Variants in TXNL4A observed in about 807,000 individuals in gnomAD.
TXNL4A encodes the protein thioredoxin like 4A.
Under a neutral mutation model 14.6 loss-of-function variants are expected in TXNL4A, and 17 were observed. The observed-to-expected ratio is 1.16, with a 90% CI of 0.80 to 1.74. The LOEUF is 1.74. Ranked by LOEUF, TXNL4A falls within the 40% of genes most tolerant of loss-of-function variation. The pLI, the probability that TXNL4A is intolerant of heterozygous loss-of-function variation, is 0.00. For missense variants in TXNL4A, 74 were observed against 195.2 expected (o/e 0.38, Z 3.70); for synonymous variants, 83 against 70.6 (o/e 1.18, Z -0.88).
At chr18:79,997,920 A>G (rs2051673272) in intron 1 of TXNL4A, among the ~76,000 whole-genome samples, 1 of 152,190 alleles carries the variant, frequency 6.6e-6, no homozygotes, top group Admixed American at 6.5e-5. Context: ...TGACAGAGTG[A>G]GAGGAATTTT....
chr18:79,979,864 G>A (rs1432435862), intron 1 of TXNL4A, among the ~76,000 whole-genome samples: 1 of 152,118 alleles, frequency 6.6e-6, no homozygotes, highest in Non-Finnish European at 1.5e-5. Context: ...CATTTTAAAG[G>A]CTCTTTATAA....
At chr18:79,977,150 G>A (rs991115199) in intron 2 of TXNL4A, among the ~76,000 whole-genome samples, 4 of 151,902 alleles carry the variant, frequency 2.6e-5, no homozygotes, top group South Asian at 2.1e-4. Flanking sequence ...GTAGAGACTC[G>A]GTTTCACCAT....
chr18:79,993,483 A>G (rs2051641123), upstream of TXNL4A, among the ~76,000 whole-genome samples: 1 of 152,196 alleles, frequency 6.6e-6, no homozygotes, highest in Admixed American at 6.5e-5. This position sits in a 1 kb window ranked among gnomAD's most constrained non-coding sequence, Gnocchi z 4.4. Flanking sequence ...TTTTTAAATG[A>G]CTAAAGTTAG....
intron 1 of TXNL4A, among the ~76,000 whole-genome samples, chr18:80,014,698 C>T (rs1183090027): frequency 3.3e-5 from 5 of 152,164 alleles, no homozygotes; most frequent in Admixed American, 1.3e-4. Flanking sequence ...ATTCTGGGGT[C>T]TGGAGGATTC....
intron 1 of TXNL4A, among the ~76,000 whole-genome samples, chr18:80,029,569 C>G (rs370741540): frequency 2.0e-5 from 3 of 152,168 alleles, no homozygotes; most frequent in African/African-American, 4.8e-5. Context: ...ACTTTACTGG[C>G]CAGGTTATTC....
rs112889041 is a variant in TXNL4A, at chr18:79,986,198, C to T, written c.153+2042G>A. Among the ~76,000 whole-genome samples the T allele has an allele frequency of 5.2e-3, 787 of 152,156 alleles. 6 individuals are homozygous for T. Among genetic ancestry groups the T allele is most frequent in the African/African-American group, 0.018 (737 of 41,520 alleles). On this transcript the variant is annotated intron_variant, in intron 1 of 2. Transcript: ENST00000269601. Reference sequence around the variant, plus strand: ...GGGACTACAGGCACGTGCCACCACGCCCGGCATTTGTACTTTTAGTAGAGA... The same window carrying T: ...GGGACTACAGGCACGTGCCACCACGTCCGGCATTTGTACTTTTAGTAGAGA...
At position 80,005,870 on chromosome 18, in the gene TXNL4A, ACC is replaced by A. The variant is rs1245125507; in HGVS notation, c.-61+27979_-61+27980del. ...AGAGGTTGCAGTTAGCTGAGATCGCACCACTGCACTCCAGCCTGGGTGACAGA... is the reference window on the plus strand; with the variant it reads ...AGAGGTTGCAGTTAGCTGAGATCGCAACTGCACTCCAGCCTGGGTGACAGA... On this transcript the variant is annotated intron_variant, in intron 1 of 2. Transcript: ENST00000585474. 4.6e-5 allele frequency among the ~76,000 whole-genome samples: 7 copies of A among 151,996 alleles called. No individual in the cohort carries two copies. In the South Asian group the frequency reaches 1.2e-3, roughly 27 times the overall value.
At chr18:80,032,409 G>C (rs1439067024) in intron 1 of TXNL4A, among the ~76,000 whole-genome samples, 1 of 152,206 alleles carries the variant, frequency 6.6e-6, no homozygotes, top group Non-Finnish European at 1.5e-5. Context: ...TTAGCCAAAG[G>C]GAAGAGTCAA....
At chr18:80,026,479 TACCCTG>T (rs1488440486) in intron 1 of TXNL4A, among the ~76,000 whole-genome samples, 2 of 152,038 alleles carry the variant, frequency 1.3e-5, no homozygotes, top group African/African-American at 2.4e-5. Context: ...CCAAATATTC[TACCCTG>T]ACAAAAAAAA....
chr18:80,015,550 C>T (rs1179504578), intron 1 of TXNL4A, among the ~76,000 whole-genome samples: 1 of 151,842 alleles, frequency 6.6e-6, no homozygotes, highest in East Asian at 1.9e-4. Context: ...TGTGATGTTC[C>T]CCTTCCTGTG....
intron 1 of TXNL4A, among the ~76,000 whole-genome samples, chr18:79,987,165 A>G (rs1276276765): frequency 1.3e-5 from 2 of 152,250 alleles, no homozygotes; most frequent in African/African-American, 4.8e-5. Flanking sequence ...CCATACCCAT[A>G]GAATCAGAAT....
chr18:80,010,252 A>G (rs575180615), intron 1 of TXNL4A, among the ~76,000 whole-genome samples: 1 of 152,206 alleles, frequency 6.6e-6, no homozygotes, highest in South Asian at 2.1e-4. Flanking sequence ...GGTGGCCACT[A>G]TGAGTCCCGT....
At chr18:79,995,857 C>T (rs763472398) in intron 1 of TXNL4A, among the ~76,000 whole-genome samples, 28 of 152,120 alleles carry the variant, frequency 1.8e-4, no homozygotes, top group Non-Finnish European at 4.0e-4. Context: ...AATCCCAGAA[C>T]TTTGGGAGGC....
intron 1 of TXNL4A, among the ~76,000 whole-genome samples, chr18:79,981,317 C>T (rs1392095115): frequency 2.6e-5 from 4 of 152,132 alleles, no homozygotes; most frequent in East Asian, 3.8e-4. Flanking sequence ...TTTTCTTGCA[C>T]GTAAAAAATA....
chr18:80,022,960 C>T (rs1044252194), intron 1 of TXNL4A, among the ~76,000 whole-genome samples: 2 of 152,136 alleles, frequency 1.3e-5, no homozygotes, highest in Non-Finnish European at 2.9e-5. Context: ...TCCCAAGGTA[C>T]CCAATAGGCC....
chr18:79,987,496 A>C (rs1229167505), intron 1 of TXNL4A, among the ~76,000 whole-genome samples: 1 of 152,192 alleles, frequency 6.6e-6, no homozygotes, highest in African/African-American at 2.4e-5. Flanking sequence ...TTTTATTAAC[A>C]CCCTAGTATT....
intron 1 of TXNL4A, among the ~76,000 whole-genome samples, chr18:80,017,426 T>A (rs970329902): frequency 4.0e-5 from 6 of 151,614 alleles, no homozygotes; most frequent in Non-Finnish European, 8.9e-5. Flanking sequence ...AGAGAGGGCA[T>A]CCCTGTCTTG....
chr18:80,008,216 G>A (rs2051745632), intron 1 of TXNL4A, among the ~76,000 whole-genome samples: 1 of 152,206 alleles, frequency 6.6e-6, no homozygotes, highest in Admixed American at 6.5e-5. Context: ...GGAGACTTGG[G>A]TAAGTATCCA....
At chr18:79,997,401 AAAAC>A (rs2051670208) in intron 1 of TXNL4A, among the ~76,000 whole-genome samples, 1 of 149,064 alleles carries the variant, frequency 6.7e-6, no homozygotes, top group East Asian at 2.0e-4. Context: ...AAAACAAAAA[AAAAC>A]AAGCAGGAGG....
Sources: gnomAD v4.1 joint callset for allele counts (sites outside exome capture counted in the v4.1 genomes callset) on GRCh38, gnomAD v4.1.1 for gene constraint, Gnocchi (gnomAD v3.1) non-coding constraint, MANE v1.5 for transcripts, NCBI Gene and HGNC (gene_info 2026-07-23, HGNC 2026-07-21) for gene names.